Variants in MACF1 observed in about 807,000 individuals in gnomAD.
The protein encoded by MACF1 is microtubule actin crosslinking factor 1.
MACF1 carries 193 observed loss-of-function variants against 854.8 expected under a neutral mutation model. That is an observed-to-expected ratio of 0.23 (90% CI 0.20 to 0.25). The LOEUF is 0.25. MACF1 is among the 10% of genes least tolerant of loss of function. The pLI is 1.00. For synonymous variants in MACF1, 3,185 were observed against 3,226.7 expected, an observed-to-expected ratio of 0.99 and a Z score of 0.44; for missense variants, 7,722 against 8,929.1, an observed-to-expected ratio of 0.86 and a Z score of 5.45.
At position 39,300,205 on chromosome 1, in the gene MACF1, T is replaced by C. The variant is rs112859847; in HGVS notation, c.2482-5T>C. 2.2e-4 allele frequency: 362 copies of C among 1,610,528 alleles called. No individual in the cohort carries two copies. The highest frequency in any genetic ancestry group is 5.7e-5 in the Non-Finnish European group (67 of 1,179,106). ...TGTCATTTTGTTTTTCTTATCATTT[T>C]GTAGGATGAAAAGGAGCAGCTTATA... On this transcript the variant is annotated splice_region_variant and splice_polypyrimidine_tract_variant and intron_variant, in intron 21 of 100. Coordinates refer to ENST00000564288, the MANE Select transcript of MACF1 (RefSeq NM_001394062.1).
Position 39,300,194 on chromosome 1 carries a change from T to G in MACF1, c.2482-16T>G, listed in dbSNP as rs1424324841. On this transcript the variant is annotated splice_polypyrimidine_tract_variant and intron_variant, in intron 21 of 100. Coordinates refer to ENST00000564288, the MANE Select transcript of MACF1 (RefSeq NM_001394062.1). Reference sequence around the variant, plus strand: ...AGCAGCATTAATGTCATTTTGTTTTTCTTATCATTTTGTAGGATGAAAAGG... The same window carrying G: ...AGCAGCATTAATGTCATTTTGTTTTGCTTATCATTTTGTAGGATGAAAAGG... 1 of 1,610,668 alleles carries G rather than the reference T, an allele frequency of 6.2e-7. No individual in the cohort carries two copies. Among genetic ancestry groups the G allele is most frequent in the Non-Finnish European group, 8.5e-7 (1 of 1,178,898 alleles).
intron 70 of MACF1, chr1:39,436,363 C>T: frequency 1.9e-6 from 2 of 1,034,340 alleles, no homozygotes; most frequent in South Asian, 1.3e-5. Context: ...CTCCCCCCAC[C>T]TTCCGTCCCA....
rs1294425428 is a variant in MACF1, at chr1:39,440,107, TTTTC to T, written c.18447+611_18447+614del. ...TTTTCTTTTCTTTTCTTTTCTTTTC[TTTTC>T]TTTTTTTTTTTTTTTTTTGGAGACA... On this transcript the variant is annotated intron_variant, in intron 72 of 100. Coordinates refer to ENST00000564288, the MANE Select transcript of MACF1 (RefSeq NM_001394062.1). Among the ~76,000 whole-genome samples the T allele has an allele frequency of 2.7e-3, 239 of 90,168 alleles. 2 individuals carry two copies. The highest frequency in any genetic ancestry group is 9.7e-3 in the African/African-American group (201 of 20,710). 59.2% of individuals were successfully genotyped at this position (90,168 alleles called of 152,430 possible).
chr1:39,356,629 C>T (rs1036210300), intron 44 of MACF1, among the ~76,000 whole-genome samples: 9 of 152,156 alleles, frequency 5.9e-5, no homozygotes, highest in Admixed American at 2.0e-4. Context: ...CCTCGGCCTC[C>T]CAAAGTACTG....
intron 38 of MACF1, 132 bp downstream of exon 38, chr1:39,337,463 G>A (rs1447446730): frequency 2.6e-6 from 2 of 755,186 alleles, no homozygotes; most frequent in African/African-American, 1.8e-5. Context: ...ACCCTTGTCA[G>A]ATAATTATGG....
At chr1:39,471,311 G>A (rs185264595) in intron 97 of MACF1, among the ~76,000 whole-genome samples, 1 of 152,292 alleles carries the variant, frequency 6.6e-6, no homozygotes, top group East Asian at 1.9e-4. Flanking sequence ...AACTATATTG[G>A]AAGTTCTATA....
chr1:39,431,381 T>C (rs958694249), intron 66 of MACF1, among the ~76,000 whole-genome samples: 1 of 152,234 alleles, frequency 6.6e-6, no homozygotes, highest in Non-Finnish European at 1.5e-5. Flanking sequence ...CTTGATCTTT[T>C]TTCCTTCCTA....
chr1:39,197,501 A>G (rs761651852), intron 2 of MACF1, among the ~76,000 whole-genome samples: 9 of 152,222 alleles, frequency 5.9e-5, no homozygotes, highest in Non-Finnish European at 1.0e-4. Context: ...AGAAGCTCCT[A>G]TAACAGCTTT....
At chr1:39,343,278 T>C (rs1290414772) in intron 40 of MACF1, among the ~76,000 whole-genome samples, 1 of 152,206 alleles carries the variant, frequency 6.6e-6, no homozygotes, top group Non-Finnish European at 1.5e-5. Context: ...AAATGTCCCC[T>C]CCTTCTATTC....
intron 55 of MACF1, among the ~76,000 whole-genome samples, chr1:39,381,383 G>A (rs1345362229): frequency 3.5e-5 from 5 of 142,586 alleles, no homozygotes; most frequent in Admixed American, 3.5e-4. Context: ...TTTTTTGGGG[G>A]GGGGGACAGG....
chr1:39,175,174 GA>G (rs1644007532), intron 2 of MACF1, among the ~76,000 whole-genome samples: 1 of 152,076 alleles, frequency 6.6e-6, no homozygotes, highest in African/African-American at 2.4e-5. Flanking sequence ...CTTCCTGCAG[GA>G]GGTTAGGTTG....
At position 39,332,575 on chromosome 1, in the gene MACF1, A is replaced by G. The variant is rs771486281; in HGVS notation, c.5987A>G (p.Asp1996Gly). 9 of 1,614,036 alleles carry G rather than the reference A, an allele frequency of 5.6e-6. No homozygotes were observed. The South Asian group carries it at 6.6e-5, about 12-fold the overall frequency. The change falls in exon 37 of 101, where the codon GAT becomes GGT. Residue 1996 changes from aspartate to glycine, a missense_variant. Physicochemically the swap from Asp to Gly is moderately conservative, Grantham distance 94. This residue lies in a region of MACF1 where 1,531 missense variants were observed against 1,601.6 expected (regional missense o/e 0.96). Transcript: ENST00000564288. ...KELMETLTSR[D>G]EYQTSPPKVV... ...CTGATGGAGACACTAACATCCAGAG[A>G]TGAGTATCAAACAAGTCCTCCAAAA...
intron 21 of MACF1, among the ~76,000 whole-genome samples, chr1:39,299,659 G>A (rs539296421): frequency 1.9e-4 from 29 of 152,250 alleles, no homozygotes; most frequent in African/African-American, 7.0e-4. Context: ...AGCATTGTTG[G>A]TTGAAGAGCT....
Position 39,333,208 on chromosome 1 carries a change from T to C in MACF1, c.6620T>C (p.Leu2207Pro), listed in dbSNP as rs2148471375. Residue 2207 changes from leucine to proline, a missense_variant, in exon 37 of 101, where the codon CTA becomes CCA. Leu to Pro is a moderately conservative substitution (Grantham distance 98). Around this residue, in one of 15 missense-constraint regions of MACF1, gnomAD observed 1,531 missense variants for 1,601.6 expected, o/e 0.96. Transcript: ENST00000564288. ...TTACAAGTTCAGGTAAAGAAAACTCTAGGTATAAAGTTAGAACTAAAGTCT... is the reference window on the plus strand; with the variant it reads ...TTACAAGTTCAGGTAAAGAAAACTCCAGGTATAAAGTTAGAACTAAAGTCT... ...KKLQVQVKKT[L>P]GIKLELKSET... is the part of the protein sequence containing the mutation. The C allele has an allele frequency of 6.2e-7, 1 of 1,612,290 alleles. No homozygotes were observed. The highest frequency in any genetic ancestry group is 2.2e-5 in the East Asian group (1 of 44,870).
chr1:39,485,231 C>G, intron 100 of MACF1: 1 of 353,678 alleles, frequency 2.8e-6, no homozygotes, highest in Non-Finnish European at 5.1e-6. Flanking sequence ...TGGATTAGCC[C>G]GGCTGGCAGG....
chr1:39,364,706 A>T (rs1409750885), intron 49 of MACF1, among the ~76,000 whole-genome samples: 2 of 151,802 alleles, frequency 1.3e-5, no homozygotes, highest in Admixed American at 1.3e-4. Context: ...GTTAGCCAGG[A>T]TGGTCTCGAT....
intron 56 of MACF1, among the ~76,000 whole-genome samples, chr1:39,383,998 T>C (rs1650476863): frequency 1.3e-5 from 2 of 152,204 alleles, no homozygotes; most frequent in South Asian, 2.1e-4. Context: ...GGAAACATCA[T>C]TGAACATTTG....
upstream of MACF1, among the ~76,000 whole-genome samples, chr1:39,203,521 G>A (rs867257618): frequency 6.6e-6 from 1 of 152,260 alleles, no homozygotes; most frequent in South Asian, 2.1e-4. Context: ...AGTGAGTTTG[G>A]ACAAATGTAT....
chr1:39,322,438 A>C (rs1646531926), intron 31 of MACF1, among the ~76,000 whole-genome samples, 170 bp from the exon 32 acceptor site: 1 of 152,174 alleles, frequency 6.6e-6, no homozygotes, highest in South Asian at 2.1e-4. Context: ...ATAATGAGAG[A>C]GATAGTATGG....
Sources: allele counts gnomAD v4.1 joint callset (sites outside exome capture counted in the v4.1 genomes callset), GRCh38; gene constraint gnomAD v4.1.1; regional missense constraint gnomAD v4.1.1; transcripts MANE v1.5; gene names NCBI Gene and HGNC (gene_info 2026-07-23, HGNC 2026-07-21).